Variants in PIWIL1 observed in about 807,000 individuals in gnomAD.
The protein encoded by PIWIL1 is piwi like RNA-mediated gene silencing 1, also known as piwi-like protein 1.
PIWIL1 carries 73 observed loss-of-function variants against 114.4 expected under a neutral mutation model. The ratio of observed to expected loss-of-function variants is 0.64; its 90% CI spans 0.53 to 0.78. The LOEUF (loss-of-function observed/expected upper bound fraction) is 0.78, where lower values mean the gene tolerates loss of function less well. Ranked by LOEUF, PIWIL1 falls within the 30% of genes least tolerant of loss-of-function variation. PIWIL1 has a pLI of 0.00. For synonymous variants in PIWIL1, 375 were observed against 369.0 expected (o/e 1.02, Z -0.19); for missense variants, 723 against 1,063.1 (o/e 0.68, Z 4.45).
intron 1 of PIWIL1, chr12:130,342,377 G>A (rs989654519): frequency 1.4e-5 from 8 of 581,932 alleles, no homozygotes; most frequent in Non-Finnish European, 2.2e-5. Context: ...CTACTGCAGT[G>A]CCCAGTGCAA....
At chr12:130,423,171 A>G in the PIWIL1 span, among the ~76,000 whole-genome samples, 1 of 152,250 alleles carries the variant, frequency 6.6e-6, no homozygotes, top group African/African-American at 2.4e-5. Context: ...GTTAGGATTG[A>G]CTAAAGACAA....
the PIWIL1 span, among the ~76,000 whole-genome samples, chr12:130,399,453 G>A: frequency 6.6e-6 from 1 of 152,092 alleles, no homozygotes; most frequent in Non-Finnish European, 1.5e-5. Context: ...GTGAGTAAAG[G>A]CAGATTGATT....
intron 4 of PIWIL1, 36 bp from the exon 5 acceptor site, chr12:130,346,334 G>A (rs2073067639): frequency 1.3e-6 from 2 of 1,482,528 alleles, no homozygotes; most frequent in African/African-American, 1.4e-5. Flanking sequence ...AAATAAACTT[G>A]ATATTTTGTT....
At chr12:130,342,901 G>T (rs1217619961) in intron 2 of PIWIL1, 89 bp from the exon 3 acceptor site, 6 of 905,316 alleles carry the variant, frequency 6.6e-6, no homozygotes, top group Middle Eastern at 2.3e-4. Flanking sequence ...ATAGGTGTTG[G>T]TTGAATTCCT....
the PIWIL1 span, among the ~76,000 whole-genome samples, chr12:130,392,468 G>A: frequency 1.4e-5 from 1 of 72,660 alleles, no homozygotes; most frequent in African/African-American, 5.9e-5. Context: ...AATATTGAAT[G>A]TTGTGATGAC....
the PIWIL1 span, chr12:130,399,311 T>C: frequency 4.5e-6 from 2 of 448,418 alleles, no homozygotes; most frequent in Non-Finnish European, 7.1e-6. Flanking sequence ...CTTGGATCCT[T>C]GTGAAGAGAC....
intron 1 of PIWIL1, among the ~76,000 whole-genome samples, chr12:130,341,329 C>T (rs533140923): frequency 1.3e-5 from 2 of 152,214 alleles, no homozygotes; most frequent in Non-Finnish European, 2.9e-5. Context: ...TACCACCCTA[C>T]CTTCCAATTC....
At chr12:130,397,709 C>T in the PIWIL1 span, 1 of 390,110 alleles carries the variant, frequency 2.6e-6, no homozygotes, top group African/African-American at 2.1e-5. Context: ...AGGTCCTCTC[C>T]CACAGCACGC....
the PIWIL1 span, among the ~76,000 whole-genome samples, chr12:130,391,848 A>T: frequency 6.6e-6 from 1 of 152,298 alleles, no homozygotes; most frequent in Non-Finnish European, 1.5e-5. Context: ...GCTGCTCCTG[A>T]TAAGGGCCTG....
the PIWIL1 span, among the ~76,000 whole-genome samples, chr12:130,401,868 G>A: frequency 1.3e-5 from 2 of 152,122 alleles, no homozygotes; most frequent in Admixed American, 1.3e-4. Flanking sequence ...TATTTGGGGA[G>A]TGTGTTCTGT....
chr12:130,411,411 G>A, the PIWIL1 span, among the ~76,000 whole-genome samples: 48 of 152,274 alleles, frequency 3.2e-4, no homozygotes, highest in African/African-American at 1.0e-3. Context: ...GGTGAGGGCC[G>A]ACATCCTTGT....
At chr12:130,368,663 C>CT (rs1005219285) in intron 19 of PIWIL1, among the ~76,000 whole-genome samples, 30 of 152,132 alleles carry the variant, frequency 2.0e-4, no homozygotes, top group African/African-American at 7.0e-4. Context: ...GCAGGATTCT[C>CT]TTTCACCGTA....
chr12:130,409,588 C>G, the PIWIL1 span, among the ~76,000 whole-genome samples: 1 of 152,194 alleles, frequency 6.6e-6, no homozygotes, highest in Admixed American at 6.5e-5. Context: ...CATGATCCGC[C>G]CACCTCGGCC....
At chr12:130,413,221 T>C in the PIWIL1 span, among the ~76,000 whole-genome samples, 2 of 152,206 alleles carry the variant, frequency 1.3e-5, no homozygotes, top group African/African-American at 4.8e-5. Context: ...CGTTCTCAAA[T>C]GCCAACTGTC....
the PIWIL1 span, among the ~76,000 whole-genome samples, chr12:130,382,322 C>T: frequency 0.15 from 23,174 of 152,236 alleles, 2,018 homozygotes; most frequent in East Asian, 0.41. Context: ...TGTTGTGCCC[C>T]GGAGTCGTCT....
chr12:130,362,373 G>A (rs1353998887), intron 16 of PIWIL1, among the ~76,000 whole-genome samples: 2 of 152,232 alleles, frequency 1.3e-5, no homozygotes, highest in Non-Finnish European at 2.9e-5. Context: ...GGATGGAGCT[G>A]AAGGTCTTTC....
rs138732388 is a variant in PIWIL1, at chr12:130,355,686, G to A, written c.1404+19G>A. The A allele has an allele frequency of 1.0e-5, 16 of 1,536,964 alleles. No individual in the cohort carries two copies. In the African/African-American group the frequency reaches 2.0e-4, roughly 20 times the overall value. On this transcript the variant is annotated intron_variant, in intron 12 of 20. Transcript: ENST00000245255. ...AAAAACAGTAAGGCAGTTTTTCGTT[G>A]GTGTTGTTGTTGTTTTTGAGACGGA...
chr12:130,407,779 C>T, the PIWIL1 span: 1 of 1,614,170 alleles, frequency 6.2e-7, no homozygotes. Context: ...TACAGGGCCA[C>T]CATTCTCCGC....
chr12:130,422,576 A>G, the PIWIL1 span: 1 of 1,568,288 alleles, frequency 6.4e-7, no homozygotes, highest in Non-Finnish European at 8.7e-7. This position sits in a 1 kb window ranked among gnomAD's most constrained non-coding sequence, Gnocchi z 5.2. Flanking sequence ...AGACAAAACA[A>G]CAACAAAGTC....
Sources: allele counts gnomAD v4.1 joint callset (sites outside exome capture counted in the v4.1 genomes callset), GRCh38; gene constraint gnomAD v4.1.1; non-coding constraint Gnocchi (gnomAD v3.1); transcripts MANE v1.5; gene names NCBI Gene and HGNC (gene_info 2026-07-23, HGNC 2026-07-21).